Variants in DTL observed in about 807,000 individuals in gnomAD.
The protein encoded by DTL is denticleless E3 ubiquitin protein ligase adapter.
DTL carries 46 observed loss-of-function variants against 87.0 expected under a neutral mutation model. That is an observed-to-expected ratio of 0.53 (90% CI 0.42 to 0.68). The LOEUF (loss-of-function observed/expected upper bound fraction) is 0.68. Among genes scored for constraint, DTL ranks in the 30% least tolerant of loss-of-function variants. The pLI is 0.00. For synonymous variants in DTL, 308 were observed against 311.2 expected, an observed-to-expected ratio of 0.99 and a Z score of 0.11; for missense variants, 737 against 869.4, an observed-to-expected ratio of 0.85 and a Z score of 1.91.
At chr1:212,050,069 GC>G (rs957434199) in intron 5 of DTL, among the ~76,000 whole-genome samples, 10 of 152,162 alleles carry the variant, frequency 6.6e-5, no homozygotes, top group Admixed American at 3.9e-4. Flanking sequence ...TACTTGGGAG[GC>G]TGAGGTGGGA....
rs200542342 is a variant in DTL at position 212,101,001 on chromosome 1, A to G, written c.2011A>G (p.Lys671Glu). The change falls in exon 14 of 15, where the codon AAG becomes GAG. Residue 671 changes from lysine to glutamate, a missense_variant. Lys to Glu is a moderately conservative substitution (Grantham distance 56). Transcript: ENST00000366991. ...GTTGTTGGCCATGGCAGCCAAACGG[A>G]AGGCTGAGAATCCATCTCCACGAAG... is the stretch of plus-strand genomic sequence containing the variant. ...NWLLAMAAKRKAENPSPRSPS... is the reference protein window; with the variant it reads ...NWLLAMAAKREAENPSPRSPS... 2.5e-6 allele frequency: 4 copies of G among 1,614,088 alleles called. No homozygotes were observed. Among genetic ancestry groups the G allele is most frequent in the African/African-American group, 2.7e-5 (2 of 75,022 alleles).
At chr1:212,048,590 AAC>A (rs1182557287) in intron 5 of DTL, among the ~76,000 whole-genome samples, 2 of 152,216 alleles carry the variant, frequency 1.3e-5, no homozygotes, top group East Asian at 1.9e-4. Flanking sequence ...AGAGTTATAT[AAC>A]ACAGCACAGT....
chr1:212,077,239 G>A (rs140915248), intron 11 of DTL, among the ~76,000 whole-genome samples: 4 of 152,158 alleles, frequency 2.6e-5, no homozygotes, highest in Non-Finnish European at 4.4e-5. Flanking sequence ...GTTTGTACTC[G>A]TTATTGTGCT....
Position 212,066,667 on chromosome 1 carries a change from C to G in DTL, c.640-145C>G. On this transcript the variant is annotated intron_variant, in intron 7 of 14. Transcript: ENST00000366991. The stretch of plus-strand genomic sequence containing the variant: ...ATCCTTGCTAAAATTACCTCTTGGT[C>G]AGCATATATATCTGATCGAGATCAT... 5.0e-6 allele frequency: 3 copies of G among 603,246 alleles called. No individual in the cohort carries two copies. The South Asian group carries it at 6.3e-5, about 13-fold the overall frequency. 37.4% of individuals were successfully genotyped at this position (603,246 alleles called of 1,614,324 possible).
chr1:212,103,148 G>A lies in DTL; in HGVS notation c.*208G>A, dbSNP rs1368514115. 2.9e-6 allele frequency: 1 copy of A among 339,836 alleles called. No individual in the cohort carries two copies. The highest frequency in any genetic ancestry group is 5.3e-6 in the Non-Finnish European group (1 of 188,948). The allele number at this position is 339,836 out of a possible 1,614,324, so 21.1% of individuals were successfully genotyped here. On this transcript the variant is annotated 3_prime_UTR_variant, in exon 15 of 15. Coordinates refer to ENST00000366991, the MANE Select transcript of DTL (RefSeq NM_016448.4). ...AATGTATATGCAGCTTCCCGAGGATGAATGCTGTGTTTAAATTTCATAAAG... is the reference window on the plus strand; with the variant it reads ...AATGTATATGCAGCTTCCCGAGGATAAATGCTGTGTTTAAATTTCATAAAG...
At chr1:212,051,972 C>T (rs1667999690) in intron 5 of DTL, 13 of 852,716 alleles carry the variant, frequency 1.5e-5, no homozygotes, top group African/African-American at 3.3e-5. Flanking sequence ...GAACATATAT[C>T]GGGTGCCTCT....
rs1487291680 is a variant in DTL, at chr1:212,103,962, C to CTTT, written c.*1024_*1026dup. The CTTT allele has an allele frequency of 2.0e-5, 3 of 151,960 alleles. No homozygotes were observed. The highest frequency in any genetic ancestry group is 4.4e-5 in the Non-Finnish European group (3 of 67,978). The allele number at this position is 151,960 out of a possible 1,614,324, so 9.4% of individuals were successfully genotyped here. A position where few individuals can be genotyped will look rare whatever the true frequency, so the allele number is the denominator to read the frequency against. On this transcript the variant is annotated 3_prime_UTR_variant, in exon 15 of 15. Coordinates refer to ENST00000366991, the MANE Select transcript of DTL (RefSeq NM_016448.4). Reference sequence around the variant, plus strand: ...TTTCATGTACATAAAAAGCAATAGCCTTTTAGTATAGATAGCCCTGAGCCA... The same window carrying CTTT: ...TTTCATGTACATAAAAAGCAATAGCCTTTTTTTAGTATAGATAGCCCTGAGCCA...
chr1:212,041,725 T>C (rs548147081), intron 1 of DTL, among the ~76,000 whole-genome samples: 1 of 152,136 alleles, frequency 6.6e-6, no homozygotes, highest in African/African-American at 2.4e-5. Flanking sequence ...TTAGCCAGGA[T>C]GGTCTCGATC....
intron 13 of DTL, among the ~76,000 whole-genome samples, chr1:212,084,126 A>G (rs1250718515): frequency 6.6e-6 from 1 of 151,930 alleles, no homozygotes; most frequent in Non-Finnish European, 1.5e-5. Flanking sequence ...CTTTTGCTCT[A>G]AGTCTGGTTT....
chr1:212,092,534 T>TA (rs1383532624), intron 13 of DTL, among the ~76,000 whole-genome samples: 5,252 of 141,524 alleles, frequency 0.037, 92 homozygotes, highest in Middle Eastern at 0.041. Context: ...AGACTCCGTC[T>TA]AAAAAAAAAA....
rs763542790 is a variant in DTL, at chr1:212,089,285, G to A, written c.1261+8535G>A. Among the ~76,000 whole-genome samples the A allele has an allele frequency of 3.9e-5, 6 of 152,066 alleles. No individual in the cohort carries two copies. The East Asian group carries it at 7.7e-4, about 20-fold the overall frequency. On this transcript the variant is annotated intron_variant, in intron 13 of 14. Transcript: ENST00000366991. ...AGAAAATGGCATGCCATATTTAAAT[G>A]TGTAGGCCCATATAATGGCATGCTA... is the stretch of plus-strand genomic sequence containing the variant.
At position 212,062,837 on chromosome 1, in the gene DTL, T is replaced by C. The variant is rs759963658; in HGVS notation, c.461-47T>C. On this transcript the variant is annotated intron_variant, in intron 5 of 14. Coordinates refer to ENST00000366991, the MANE Select transcript of DTL (RefSeq NM_016448.4). The stretch of plus-strand genomic sequence containing the variant: ...AATGTAAACTGAAATATATGTGTCA[T>C]TGACTGGTTTTGTTAACCTCTTAAT... 3.4e-6 allele frequency: 5 copies of C among 1,475,196 alleles called. No homozygotes were observed. In the South Asian group the frequency reaches 4.5e-5, roughly 13 times the overall value. The allele number at this position is 1,475,196 out of a possible 1,614,324, so 91.4% of individuals were successfully genotyped here.
At chr1:212,082,421 T>C (rs1655013812) in intron 13 of DTL, among the ~76,000 whole-genome samples, 3 of 152,160 alleles carry the variant, frequency 2.0e-5, no homozygotes, top group Admixed American at 2.0e-4. Context: ...TGGGGTTTTT[T>C]TAAATAGGAA....
chr1:212,079,058 G>T (rs1385068079), intron 12 of DTL, among the ~76,000 whole-genome samples: 2 of 151,972 alleles, frequency 1.3e-5, no homozygotes, highest in Non-Finnish European at 2.9e-5. Context: ...ACTTCTCATG[G>T]TCTGGTCTAT....
At chr1:212,084,321 A>C (rs1447724304) in intron 13 of DTL, among the ~76,000 whole-genome samples, 1 of 151,192 alleles carries the variant, frequency 6.6e-6, no homozygotes, top group Non-Finnish European at 1.5e-5. Context: ...GAGTAGCTGG[A>C]ATTACAGGCG....
chr1:212,097,395 C>G (rs1655481259), intron 13 of DTL, among the ~76,000 whole-genome samples: 1 of 152,080 alleles, frequency 6.6e-6, no homozygotes, highest in Admixed American at 6.6e-5. Context: ...GTCTAGATCT[C>G]GAGCAAGGCC....
chr1:212,102,539 T>A (rs1371929507), intron 14 of DTL, among the ~76,000 whole-genome samples: 1 of 152,248 alleles, frequency 6.6e-6, no homozygotes, highest in Admixed American at 6.5e-5. Flanking sequence ...GGCTGATTTA[T>A]TCATTTATTT....
At chr1:212,059,167 A>G (rs1668263024) in intron 5 of DTL, among the ~76,000 whole-genome samples, 1 of 152,182 alleles carries the variant, frequency 6.6e-6, no homozygotes, top group Admixed American at 6.5e-5. Context: ...TCCCTAACTC[A>G]TTCTACAAGG....
chr1:212,040,548 A>G (rs910210390), intron 1 of DTL, among the ~76,000 whole-genome samples: 16 of 152,240 alleles, frequency 1.1e-4, no homozygotes, highest in South Asian at 2.1e-4. Flanking sequence ...TCATGGTGCT[A>G]TATACTTGCC....
Sources: allele counts gnomAD v4.1 joint callset (sites outside exome capture counted in the v4.1 genomes callset), GRCh38; gene constraint gnomAD v4.1.1; transcripts MANE v1.5; gene names NCBI Gene and HGNC (gene_info 2026-07-23, HGNC 2026-07-21).